CAMK1D: variants seen among roughly 807,000 people sequenced by gnomAD.
CAMK1D encodes the protein calcium/calmodulin dependent protein kinase ID.
A neutral mutation model predicts 47.7 loss-of-function variants in CAMK1D; 9 were observed. The ratio of observed to expected loss-of-function variants is 0.19; its 90% CI spans 0.11 to 0.33. The LOEUF (loss-of-function observed/expected upper bound fraction) is 0.33, where lower values mean the gene tolerates loss of function less well. CAMK1D is among the 10% of genes least tolerant of loss of function. The pLI is 1.00. For synonymous variants in CAMK1D, 184 were observed against 184.9 expected (o/e 0.99, Z 0.04); for missense variants, 291 against 488.7 (o/e 0.60, Z 3.81).
chr10:12,376,532 G>C (rs2724778), intron 1 of CAMK1D, among the ~76,000 whole-genome samples: 26,927 of 152,076 alleles, frequency 0.18, 2,583 homozygotes, highest in East Asian at 0.31. Flanking sequence ...TTCATGTGTT[G>C]GTGTGAAGGG....
At chr10:12,475,554 C>T (rs934858503) in intron 1 of CAMK1D, among the ~76,000 whole-genome samples, 8 of 152,128 alleles carry the variant, frequency 5.3e-5, no homozygotes, top group Non-Finnish European at 1.2e-4. Flanking sequence ...TTGCTTCTAC[C>T]TGTTGGCTAT....
intron 2 of CAMK1D, among the ~76,000 whole-genome samples, chr10:12,663,282 G>A (rs866317024): frequency 3.5e-4 from 54 of 152,190 alleles, no homozygotes; most frequent in Middle Eastern, 3.4e-3. Flanking sequence ...ATTTAATACC[G>A]TATTCATGAT....
chr10:12,550,726 G>C (rs1836550165), intron 1 of CAMK1D, among the ~76,000 whole-genome samples: 1 of 152,152 alleles, frequency 6.6e-6, no homozygotes, highest in African/African-American at 2.4e-5. Flanking sequence ...ATAATTTGTG[G>C]ATTTGGGCAG....
In CAMK1D at chr10:12,824,517, C is replaced by G; in HGVS notation, c.886C>G (p.Gln296Glu). The G allele has an allele frequency of 6.2e-7, 1 of 1,614,130 alleles. No homozygotes were observed. Among genetic ancestry groups the G allele is most frequent in the Non-Finnish European group, 8.5e-7 (1 of 1,180,016 alleles). ...NKNIHESVSA[Q>E]IRKNFAKSKW... ...AAACATCCACGAGTCCGTCAGCGCC[C>G]AGATCCGGAAAAACTTTGCCAAGAG... The change falls in exon 9 of 11, where the codon CAG (glutamine) becomes GAG (glutamate). Residue 296 changes from glutamine to glutamate, a missense_variant. Around this residue, in one of 2 missense-constraint regions of CAMK1D, gnomAD observed 219 missense variants for 424.3 expected, o/e 0.52. Transcript: ENST00000619168.
intron 2 of CAMK1D, among the ~76,000 whole-genome samples, chr10:12,558,754 C>T (rs1836845359): frequency 6.6e-6 from 1 of 152,104 alleles, no homozygotes; most frequent in Non-Finnish European, 1.5e-5. Flanking sequence ...AACTGAGGCT[C>T]AGTTTGGTGG....
chr10:12,535,788 C>T (rs1337907605), intron 1 of CAMK1D, among the ~76,000 whole-genome samples: 1 of 152,178 alleles, frequency 6.6e-6, no homozygotes, highest in Admixed American at 6.5e-5. Flanking sequence ...TCTGTTGCCT[C>T]ATCCATGCAG....
At chr10:12,658,658 C>T (rs1840186582) in intron 2 of CAMK1D, among the ~76,000 whole-genome samples, 1 of 152,002 alleles carries the variant, frequency 6.6e-6, no homozygotes, top group Non-Finnish European at 1.5e-5. Context: ...AGGAATGCAC[C>T]GGCAGACCCA....
chr10:12,359,195 G>T (rs1837591968), intron 1 of CAMK1D, among the ~76,000 whole-genome samples: 1 of 152,184 alleles, frequency 6.6e-6, no homozygotes, highest in Non-Finnish European at 1.5e-5. Flanking sequence ...CTGTAAAACA[G>T]GATGACACTT....
At chr10:12,529,807 A>G (rs4750230) in intron 1 of CAMK1D, among the ~76,000 whole-genome samples, 7,015 of 152,266 alleles carry the variant, frequency 0.046, 239 homozygotes, top group Admixed American at 0.11. Flanking sequence ...ATATATTGTA[A>G]TGATTTTTTT....
intron 2 of CAMK1D, among the ~76,000 whole-genome samples, chr10:12,637,425 C>T (rs1179969546): frequency 6.6e-6 from 1 of 152,206 alleles, no homozygotes; most frequent in African/African-American, 2.4e-5. Flanking sequence ...CGATTACCTT[C>T]CTGCCTGTTG....
At chr10:12,817,778 C>T (rs1400864683) in intron 8 of CAMK1D, among the ~76,000 whole-genome samples, 2 of 152,120 alleles carry the variant, frequency 1.3e-5, no homozygotes, top group African/African-American at 4.8e-5. Flanking sequence ...GCAGCCTCCG[C>T]CTCCTGTATT....
At chr10:12,498,490 G>T (rs1834607026) in intron 1 of CAMK1D, among the ~76,000 whole-genome samples, 1 of 152,200 alleles carries the variant, frequency 6.6e-6, no homozygotes, top group African/African-American at 2.4e-5. Flanking sequence ...CTCTGGCTGA[G>T]ATATGGCTGA....
intron 1 of CAMK1D, among the ~76,000 whole-genome samples, chr10:12,440,195 ACT>A (rs958017461): frequency 6.6e-6 from 1 of 151,858 alleles, no homozygotes; most frequent in African/African-American, 2.4e-5. Flanking sequence ...TTTCCTTGAA[ACT>A]CTTCATAAAA....
At chr10:12,827,310 TC>T (rs1833256804) in intron 10 of CAMK1D, among the ~76,000 whole-genome samples, 11 of 24,748 alleles carry the variant, frequency 4.4e-4, no homozygotes, top group South Asian at 3.8e-3. Context: ...TCTCTCTTTT[TC>T]TTTTCTTTCT....
intron 2 of CAMK1D, among the ~76,000 whole-genome samples, chr10:12,633,176 G>A (rs1839427403): frequency 6.6e-6 from 1 of 152,256 alleles, no homozygotes; most frequent in South Asian, 2.1e-4. Context: ...TCACTGGAGT[G>A]TCATGTTTAG....
At chr10:12,598,489 C>G (rs1309589667) in intron 2 of CAMK1D, among the ~76,000 whole-genome samples, 2 of 152,232 alleles carry the variant, frequency 1.3e-5, no homozygotes, top group African/African-American at 2.4e-5. Context: ...TTTTCCATAT[C>G]TCAGGAAGCA....
intron 1 of CAMK1D, among the ~76,000 whole-genome samples, chr10:12,481,863 G>A (rs1398596265): frequency 6.6e-6 from 1 of 152,208 alleles, no homozygotes; most frequent in African/African-American, 2.4e-5. Context: ...TGTCTGTGGA[G>A]TGGGCAGGAA....
chr10:12,515,947 G>T (rs1383516980), intron 1 of CAMK1D, among the ~76,000 whole-genome samples: 1 of 151,746 alleles, frequency 6.6e-6, no homozygotes, highest in Non-Finnish European at 1.5e-5. Context: ...ACTCTTAACA[G>T]TATACAGCTT....
intron 1 of CAMK1D, among the ~76,000 whole-genome samples, chr10:12,463,700 A>G (rs1192905172): frequency 1.3e-5 from 2 of 151,834 alleles, no homozygotes; most frequent in African/African-American, 2.4e-5. Flanking sequence ...GCTGATGTGT[A>G]TCGCCCCCTG....
Sources: allele counts gnomAD v4.1 joint callset (sites outside exome capture counted in the v4.1 genomes callset), GRCh38; gene constraint gnomAD v4.1.1; regional missense constraint gnomAD v4.1.1; transcripts MANE v1.5; gene names NCBI Gene and HGNC (gene_info 2026-07-23, HGNC 2026-07-21).